Variants in ADAMTS18 observed in about 807,000 individuals in gnomAD.
ADAMTS18 encodes ADAM metallopeptidase with thrombospondin type 1 motif 18.
A neutral mutation model predicts 165.9 loss-of-function variants in ADAMTS18; 157 were observed. The observed-to-expected ratio is 0.95, with a 90% CI of 0.83 to 1.08. ADAMTS18 has a LOEUF of 1.08. Among genes scored for constraint, ADAMTS18 ranks in the 50% least tolerant of loss-of-function variants. ADAMTS18 has a pLI of 0.00. For synonymous variants in ADAMTS18, 782 were observed against 578.2 expected, an observed-to-expected ratio of 1.35 and a Z score of -5.06; for missense variants, 2,040 against 1,534.0, an observed-to-expected ratio of 1.33 and a Z score of -5.51.
chr16:77,422,614 A>T (rs1402247304), intron 3 of ADAMTS18, among the ~76,000 whole-genome samples: 1 of 151,634 alleles, frequency 6.6e-6, no homozygotes, highest in Admixed American at 6.6e-5. Flanking sequence ...GAAAGGAGAG[A>T]AAAAAGGAGG....
chr16:77,364,354 G>T lies in ADAMTS18; in HGVS notation c.806C>A (p.Thr269Asn). ...KYAPKPPTEDTYLRFDEYGSS... is the reference protein window; with the variant it reads ...KYAPKPPTEDNYLRFDEYGSS... Reference sequence around the variant, plus strand: ...CCCATATTCATCAAACCTTAGATAGGTGTCCTCTGTGGGAGGCTTGGGAGC... The same window carrying T: ...CCCATATTCATCAAACCTTAGATAGTTGTCCTCTGTGGGAGGCTTGGGAGC... The change falls in exon 5 of 23, where the codon ACC becomes AAC. Residue 269 changes from threonine (T) to asparagine (N), a missense_variant. Transcript: ENST00000282849. 1 of 1,613,756 alleles carries T rather than the reference G, an allele frequency of 6.2e-7. No homozygotes were observed.
At chr16:77,427,210 T>C (rs1053831980) in intron 3 of ADAMTS18, among the ~76,000 whole-genome samples, 2 of 152,176 alleles carry the variant, frequency 1.3e-5, no homozygotes, top group African/African-American at 4.8e-5. Flanking sequence ...GCCCTTCAAG[T>C]GAAGCTAATC....
At position 77,335,859 on chromosome 16, in the gene ADAMTS18, G is replaced by T. The variant is rs769577910; in HGVS notation, c.1756C>A (p.Arg586=). 5 of 1,614,156 alleles carry T rather than the reference G, an allele frequency of 3.1e-6. No homozygotes were observed. The Admixed American group carries it at 8.3e-5, about 27-fold the overall frequency. ...QCVKFGELGP[R]PIHGQWSAWS... ...GCGGACCACTGGCCGTGGATGGGCCGGGGCCCGAGCTCCCCAAACTTTACG... is the reference window on the plus strand; with the variant it reads ...GCGGACCACTGGCCGTGGATGGGCCTGGGCCCGAGCTCCCCAAACTTTACG... Residue 586 remains arginine (R), a synonymous_variant, in exon 12 of 23, where the codon CGG becomes AGG. Transcript: ENST00000282849.
intron 12 of ADAMTS18, among the ~76,000 whole-genome samples, chr16:77,335,320 T>C (rs373445351): frequency 6.0e-5 from 9 of 149,944 alleles, no homozygotes; most frequent in East Asian, 3.9e-4. Context: ...AGAGAGTGCA[T>C]TGACAGAGCT....
chr16:77,305,648 C>A (rs906091835), intron 16 of ADAMTS18, among the ~76,000 whole-genome samples: 1 of 152,146 alleles, frequency 6.6e-6, no homozygotes, highest in African/African-American at 2.4e-5. Flanking sequence ...AATGACCCTG[C>A]AATCTGACAA....
intron 3 of ADAMTS18, among the ~76,000 whole-genome samples, chr16:77,394,051 TTTTA>T (rs773349327): frequency 2.6e-5 from 4 of 152,202 alleles, no homozygotes; most frequent in Non-Finnish European, 5.9e-5. Flanking sequence ...TTGATGACGA[TTTTA>T]TTTGTTTTTC....
chr16:77,432,903 T>G (rs977769552), intron 2 of ADAMTS18, among the ~76,000 whole-genome samples: 3 of 152,244 alleles, frequency 2.0e-5, no homozygotes, highest in African/African-American at 7.2e-5. Context: ...ATGAACCATC[T>G]GTGACTTATT....
intron 13 of ADAMTS18, among the ~76,000 whole-genome samples, chr16:77,325,097 C>T (rs560265901): frequency 6.6e-6 from 1 of 152,294 alleles, no homozygotes; most frequent in Non-Finnish European, 1.5e-5. Flanking sequence ...TTGCACAGAA[C>T]AGCCCATGGA....
chr16:77,371,700 C>T (rs936831682), intron 3 of ADAMTS18, among the ~76,000 whole-genome samples: 9 of 152,108 alleles, frequency 5.9e-5, no homozygotes, highest in Non-Finnish European at 1.2e-4. Context: ...TACTTCATGA[C>T]ATAGGTCTGG....
intron 16 of ADAMTS18, among the ~76,000 whole-genome samples, chr16:77,315,583 T>A (rs2055872698): frequency 6.6e-6 from 1 of 152,186 alleles, no homozygotes; most frequent in Non-Finnish European, 1.5e-5. Context: ...CCATGATATC[T>A]GTGAAGATCC....
rs1436133427 is a variant in ADAMTS18 at position 77,283,174 on chromosome 16, A to C, written c.*782T>G. The C allele has an allele frequency of 6.6e-6, 1 of 152,556 alleles. No homozygotes were observed. Among genetic ancestry groups the C allele is most frequent in the Admixed American group, 6.5e-5 (1 of 15,276 alleles). 9.5% of individuals were successfully genotyped at this position (152,556 alleles called of 1,614,324 possible). A position where few individuals can be genotyped will look rare whatever the true frequency, so the allele number is the denominator to read the frequency against. ...CTTTTCATGGACTGATTCAGCAAGC[A>C]CCAAAAGTTACGAGGTTGATAACAT... On this transcript the variant is annotated 3_prime_UTR_variant, in exon 23 of 23. Coordinates refer to ENST00000282849, the MANE Select transcript of ADAMTS18 (RefSeq NM_199355.4).
intron 3 of ADAMTS18, among the ~76,000 whole-genome samples, chr16:77,427,352 A>G (rs1315518361): frequency 1.3e-5 from 2 of 152,248 alleles, no homozygotes; most frequent in Non-Finnish European, 2.9e-5. Context: ...GTTGGAAGAC[A>G]AAATTAAGAA....
At chr16:77,372,143 T>G (rs116294131) in intron 3 of ADAMTS18, among the ~76,000 whole-genome samples, 2,317 of 152,188 alleles carry the variant, frequency 0.015, 55 homozygotes, top group African/African-American at 0.053. Context: ...TGTGGAGAAA[T>G]GAGAACTGCT....
chr16:77,431,407 C>T lies in ADAMTS18; in HGVS notation c.383G>A (p.Gly128Glu). Residue 128 changes from glycine (G) to glutamate (E), a missense_variant, in exon 3 of 23, where the codon GGA becomes GAA. By Grantham distance (98) the Gly-to-Glu change is moderately conservative. Transcript: ENST00000282849. ...LSSHFIVQVL[G>E]KDGASETQKP... The stretch of plus-strand genomic sequence containing the variant: ...CTGAGTCTCTGAAGCACCATCTTTT[C>T]CAAGTACCTGGACAATAAAGTGACT... 1.9e-6 allele frequency: 3 copies of T among 1,614,154 alleles called. No individual in the cohort carries two copies. Among genetic ancestry groups the T allele is most frequent in the Non-Finnish European group, 2.5e-6 (3 of 1,180,044 alleles).
chr16:77,376,219 T>C (rs1041958530), intron 3 of ADAMTS18, among the ~76,000 whole-genome samples: 3 of 152,118 alleles, frequency 2.0e-5, no homozygotes, highest in South Asian at 2.1e-4. Flanking sequence ...ACATCTTACA[T>C]GGCTGGAGCA....
chr16:77,341,589 G>A (rs922664387), intron 11 of ADAMTS18, 115 bp downstream of exon 11: 10 of 828,612 alleles, frequency 1.2e-5, no homozygotes, highest in African/African-American at 1.2e-4. Context: ...AATATGAAGA[G>A]AAGTCAGAGA....
chr16:77,282,672 A>C lies in ADAMTS18; in HGVS notation c.*1284T>G, dbSNP rs915128427. The C allele has an allele frequency of 6.6e-6, 1 of 152,622 alleles. No individual in the cohort carries two copies. The highest frequency in any genetic ancestry group is 6.5e-5 in the Admixed American group (1 of 15,278). 9.5% of individuals were successfully genotyped at this position (152,622 alleles called of 1,614,324 possible). A position where few individuals can be genotyped will look rare whatever the true frequency, so the allele number is the denominator to read the frequency against. On this transcript the variant is annotated 3_prime_UTR_variant, in exon 23 of 23. Coordinates refer to ENST00000282849, the MANE Select transcript of ADAMTS18 (RefSeq NM_199355.4). ...AATATGCCCTTTATAACCACTTCTC[A>C]AAAAATTACAGGAGGACACAGTATT...
chr16:77,406,583 C>G (rs1392146330), intron 3 of ADAMTS18, among the ~76,000 whole-genome samples: 1 of 151,912 alleles, frequency 6.6e-6, no homozygotes, highest in African/African-American at 2.4e-5. Context: ...ATTAAGAAAA[C>G]TGAAAAGAAT....
intron 3 of ADAMTS18, among the ~76,000 whole-genome samples, chr16:77,399,974 G>T (rs753869825): frequency 2.0e-4 from 30 of 152,226 alleles, no homozygotes; most frequent in Admixed American, 3.3e-4. Flanking sequence ...ATCTTGCCAG[G>T]TATGGGCTCT....
Sources: allele counts gnomAD v4.1 joint callset (sites outside exome capture counted in the v4.1 genomes callset), GRCh38; gene constraint gnomAD v4.1.1; transcripts MANE v1.5; gene names NCBI Gene and HGNC (gene_info 2026-07-23, HGNC 2026-07-21).